The following CEP83 variants were observed in gnomAD, a reference collection of about 807,000 sequenced individuals.
The protein encoded by CEP83 is centrosomal protein 83, also known as centrosomal protein of 83 kDa.
A neutral mutation model predicts 101.9 loss-of-function variants in CEP83; 70 were observed. The observed-to-expected ratio is 0.69, with a 90% CI of 0.57 to 0.84. CEP83 has a LOEUF of 0.84. Among genes scored for constraint, CEP83 ranks in the 40% least tolerant of loss-of-function variants. CEP83 has a pLI of 0.00. For synonymous variants in CEP83, 264 were observed against 267.9 expected, an observed-to-expected ratio of 0.99 and a Z score of 0.14; for missense variants, 715 against 787.2, an observed-to-expected ratio of 0.91 and a Z score of 1.10.
At chr12:94,424,475 C>T (rs558971416) in intron 2 of CEP83, 59 of 1,613,948 alleles carry the variant, frequency 3.7e-5, no homozygotes, top group South Asian at 2.2e-4. Context: ...TCGAAGGATA[C>T]GGGTGGAGAT....
At chr12:94,402,500 G>T (rs1240463138) in intron 5 of CEP83, among the ~76,000 whole-genome samples, 2 of 152,240 alleles carry the variant, frequency 1.3e-5, no homozygotes, top group African/African-American at 4.8e-5. Flanking sequence ...TAGGTAGATG[G>T]GAGCAGTCAA....
chr12:94,342,990 A>C (rs1240182167), intron 11 of CEP83, among the ~76,000 whole-genome samples: 6 of 152,114 alleles, frequency 3.9e-5, no homozygotes, highest in African/African-American at 1.4e-4. Context: ...TACAAGACAA[A>C]TCAAGTGGAC....
At chr12:94,436,549 T>G (rs886873406) in intron 1 of CEP83, among the ~76,000 whole-genome samples, 1 of 151,948 alleles carries the variant, frequency 6.6e-6, no homozygotes, top group Non-Finnish European at 1.5e-5. Flanking sequence ...AAAAAATAAT[T>G]TTGGCTGGGA....
the CEP83 span, among the ~76,000 whole-genome samples, chr12:94,291,735 C>T: frequency 6.6e-6 from 1 of 152,166 alleles, no homozygotes; most frequent in Admixed American, 6.5e-5. Flanking sequence ...TACGATCTGT[C>T]TATATAAATT....
intron 2 of CEP83, among the ~76,000 whole-genome samples, chr12:94,414,695 T>A (rs1264254084): frequency 6.6e-6 from 1 of 152,208 alleles, no homozygotes; most frequent in Non-Finnish European, 1.5e-5. Context: ...AAGGAAACAC[T>A]AATTCCTAAA....
At chr12:94,304,215 A>G, downstream of CEP83, 1 of 554,798 alleles carries the variant, frequency 1.8e-6, no homozygotes, top group South Asian at 2.5e-5. Flanking sequence ...CAGACCCTGT[A>G]CATGGCTGCC....
chr12:94,321,409 G>A lies in CEP83; in HGVS notation c.1708-8392C>T, dbSNP rs2058738737. 1.3e-5 allele frequency among the ~76,000 whole-genome samples: 2 copies of A among 152,182 alleles called. 1 individual carries two copies. The highest frequency in any genetic ancestry group is 4.1e-4 in the South Asian group (2 of 4,836). ...AGCCTGGTTAAGAACCCTTGTTGGA[G>A]AACTAGTGGCCATTTGACACTCCGA... On this transcript the variant is annotated intron_variant, in intron 14 of 16. Transcript: ENST00000397809.
chr12:94,288,428 G>A, the CEP83 span, among the ~76,000 whole-genome samples: 1 of 152,172 alleles, frequency 6.6e-6, no homozygotes, highest in East Asian at 1.9e-4. Context: ...TCCCTCAGGA[G>A]GAAGACAGTC....
At chr12:94,282,410 A>C in the CEP83 span, 1 of 1,562,962 alleles carries the variant, frequency 6.4e-7, no homozygotes, top group Non-Finnish European at 8.8e-7. Context: ...AGGTAAGAGC[A>C]AGACTTGACC....
chr12:94,412,537 G>T lies in CEP83; in HGVS notation c.-47C>A. 1 of 1,568,900 alleles carries T rather than the reference G, an allele frequency of 6.4e-7. No homozygotes were observed. Among genetic ancestry groups the T allele is most frequent in the South Asian group, 1.1e-5 (1 of 87,788 alleles). On this transcript the variant is annotated 5_prime_UTR_variant, in exon 3 of 17. Coordinates refer to ENST00000397809, the MANE Select transcript of CEP83 (RefSeq NM_016122.3). ...CTTACTGTTTTAGTTTTCTTTCCAAGGGTATTTCCCACTCCTTTCTTGCTA... is the reference window on the plus strand; with the variant it reads ...CTTACTGTTTTAGTTTTCTTTCCAATGGTATTTCCCACTCCTTTCTTGCTA...
chr12:94,280,104 C>T, the CEP83 span: 136 of 325,744 alleles, frequency 4.2e-4, no homozygotes, highest in Middle Eastern at 2.2e-3. Flanking sequence ...GAAAGGTCAT[C>T]TTCCTCTGCT....
chr12:94,418,512 C>A (rs953029980), intron 2 of CEP83, among the ~76,000 whole-genome samples: 22 of 152,054 alleles, frequency 1.4e-4, no homozygotes, highest in Admixed American at 5.9e-4. Context: ...AATAGACATA[C>A]AAAATAAATA....
intron 6 of CEP83, among the ~76,000 whole-genome samples, chr12:94,385,583 G>A (rs2062096243): frequency 1.3e-5 from 2 of 152,164 alleles, no homozygotes; most frequent in Non-Finnish European, 2.9e-5. Context: ...CTGTCTTCTG[G>A]AAGAGATTAT....
chr12:94,384,977 T>G lies in CEP83; in HGVS notation c.550-5935A>C, dbSNP rs556597927. ...CAATTTTCAATGGAAACTTGGACAT[T>G]TGGGGAATTAAGTTATGAGACTCCA... On this transcript the variant is annotated intron_variant, in intron 6 of 16. Coordinates refer to ENST00000397809, the MANE Select transcript of CEP83 (RefSeq NM_016122.3). 5.9e-5 allele frequency among the ~76,000 whole-genome samples: 9 copies of G among 152,278 alleles called. No individual in the cohort carries two copies. The South Asian group carries it at 1.9e-3, about 32-fold the overall frequency.
the CEP83 span, among the ~76,000 whole-genome samples, chr12:94,300,389 A>C: frequency 1.3e-5 from 2 of 152,344 alleles, no homozygotes; most frequent in African/African-American, 4.8e-5. Context: ...CGCCAAGAGC[A>C]CAAGTTGTGA....
At chr12:94,266,571 G>A in the CEP83 span, among the ~76,000 whole-genome samples, 4 of 152,178 alleles carry the variant, frequency 2.6e-5, no homozygotes, top group Non-Finnish European at 4.4e-5. Flanking sequence ...CTGATGCTGC[G>A]GGTGCTGCTT....
chr12:94,298,603 T>C, the CEP83 span: 1 of 1,551,612 alleles, frequency 6.4e-7, no homozygotes, highest in Non-Finnish European at 8.7e-7. Flanking sequence ...GTTTTTAATC[T>C]CCCAAATCTG....
intron 9 of CEP83, chr12:94,369,622 T>C (rs2061198071): frequency 4.9e-6 from 1 of 202,966 alleles, no homozygotes; most frequent in Non-Finnish European, 9.8e-6. Flanking sequence ...CTGGGACTAA[T>C]AACTACACCA....
At chr12:94,360,029 A>G (rs548935181) in intron 11 of CEP83, among the ~76,000 whole-genome samples, 1 of 152,348 alleles carries the variant, frequency 6.6e-6, no homozygotes, top group South Asian at 2.1e-4. Flanking sequence ...AGAAAAAACG[A>G]TAATTTCAAT....
Sources: allele counts gnomAD v4.1 joint callset (sites outside exome capture counted in the v4.1 genomes callset), GRCh38; gene constraint gnomAD v4.1.1; transcripts MANE v1.5; gene names NCBI Gene and HGNC (gene_info 2026-07-23, HGNC 2026-07-21).